The following MYLK3 variants were observed in gnomAD, a reference collection of about 807,000 sequenced individuals.
MYLK3 encodes myosin light chain kinase 3.
A neutral mutation model predicts 76.3 loss-of-function variants in MYLK3; 55 were observed. The observed-to-expected ratio is 0.72, with a 90% CI of 0.58 to 0.90. The LOEUF (loss-of-function observed/expected upper bound fraction) is 0.90, where lower values mean the gene tolerates loss of function less well. Ranked by LOEUF, MYLK3 falls within the 40% of genes least tolerant of loss-of-function variation. The pLI, the probability that MYLK3 is intolerant of heterozygous loss-of-function variation, is 0.00. For missense variants in MYLK3, 973 were observed against 1,053.6 expected (o/e 0.92, Z 1.06); for synonymous variants, 416 against 425.4 (o/e 0.98, Z 0.27).
chr16:46,754,721 C>A (rs1248019232), intron 1 of MYLK3, among the ~76,000 whole-genome samples: 18 of 152,192 alleles, frequency 1.2e-4, no homozygotes, highest in African/African-American at 4.3e-4. Context: ...ACATACCAAA[C>A]AACTAGAATC....
chr16:46,746,168 C>A (rs989078475), intron 1 of MYLK3, among the ~76,000 whole-genome samples: 1 of 152,032 alleles, frequency 6.6e-6, no homozygotes, highest in Admixed American at 6.5e-5. Context: ...CCTACACACA[C>A]CCTCCCATAC....
intron 12 of MYLK3, 55 bp from the exon 13 acceptor site, chr16:46,707,818 G>T: frequency 7.5e-7 from 1 of 1,326,952 alleles, no homozygotes; most frequent in Non-Finnish European, 1.1e-6. Flanking sequence ...TAGACCAGTT[G>T]CCTTATGAAG....
At chr16:46,761,814 T>C (rs924403570) in intron 1 of MYLK3, among the ~76,000 whole-genome samples, 9 of 151,826 alleles carry the variant, frequency 5.9e-5, no homozygotes, top group African/African-American at 9.7e-5. Flanking sequence ...CGAGACTCCA[T>C]TTCAAAACAA....
At chr16:46,735,689 T>C (rs1439992956) in intron 3 of MYLK3, among the ~76,000 whole-genome samples, 3 of 152,080 alleles carry the variant, frequency 2.0e-5, no homozygotes, top group African/African-American at 7.2e-5. Flanking sequence ...GGTTCGGTAA[T>C]GACAGGTAGG....
At position 46,712,793 on chromosome 16, in the gene MYLK3, G is replaced by T; in HGVS notation, c.1986-17C>A. On this transcript the variant is annotated splice_polypyrimidine_tract_variant and intron_variant, in intron 9 of 12. Transcript: ENST00000394809. ...GGCTTGTACCTGGGGAGAAGGGGAGGGTACAAAGAAGCATGGGGTGAGGCC... is the reference window on the plus strand; with the variant it reads ...GGCTTGTACCTGGGGAGAAGGGGAGTGTACAAAGAAGCATGGGGTGAGGCC... 1.3e-6 allele frequency: 2 copies of T among 1,569,750 alleles called. No individual in the cohort carries two copies. Among genetic ancestry groups the T allele is most frequent in the African/African-American group, 1.4e-5 (1 of 73,026 alleles).
Position 46,729,054 on chromosome 16 carries a change from C to T in MYLK3, c.1742G>A (p.Ser581Asn). ...NLIQLYDAFE[S>N]KHSCTLVMEY... Reference sequence around the variant, plus strand: ...CATGACAAGGGTGCAGCTGTGCTTGCTCTCGAAGGCGTCATAGAGCTGGAT... The same window carrying T: ...CATGACAAGGGTGCAGCTGTGCTTGTTCTCGAAGGCGTCATAGAGCTGGAT... Residue 581 changes from serine (S) to asparagine (N), a missense_variant, in exon 7 of 13, where the codon AGC becomes AAC. Transcript: ENST00000394809. 6.2e-7 allele frequency: 1 copy of T among 1,614,108 alleles called. No individual in the cohort carries two copies. The highest frequency in any genetic ancestry group is 8.5e-7 in the Non-Finnish European group (1 of 1,179,934).
intron 4 of MYLK3, among the ~76,000 whole-genome samples, chr16:46,731,599 G>A (rs2143014985): frequency 6.6e-6 from 1 of 152,256 alleles, no homozygotes; most frequent in East Asian, 1.9e-4. Flanking sequence ...ACCAAGGAGG[G>A]TGTGACCCTA....
intron 12 of MYLK3, among the ~76,000 whole-genome samples, chr16:46,708,444 G>C (rs1966649555): frequency 6.6e-6 from 1 of 152,042 alleles, no homozygotes; most frequent in Non-Finnish European, 1.5e-5. Context: ...TTCTGTTAGA[G>C]AAAATGTTGT....
Position 46,727,353 on chromosome 16 carries a change from G to A in MYLK3, c.1797C>T (p.Asp599=). Residue 599 remains aspartate (D), a synonymous_variant, in exon 8 of 13, where the codon GAC becomes GAT. Coordinates refer to ENST00000394809, the MANE Select transcript of MYLK3 (RefSeq NM_182493.3). ...GGTGGTACTTCTCATCTGTGATCCG[G>A]TCGAAGAGCTCACCCCCGTCCACGC... ...MEYVDGGELF[D]RITDEKYHLT... The A allele has an allele frequency of 1.2e-6, 2 of 1,612,642 alleles. No homozygotes were observed. The highest frequency in any genetic ancestry group is 1.7e-6 in the Non-Finnish European group (2 of 1,178,804).
chr16:46,729,242 A>G, intron 6 of MYLK3, 109 bp from the exon 7 acceptor site: 1 of 845,144 alleles, frequency 1.2e-6, no homozygotes, highest in Non-Finnish European at 2.0e-6. Context: ...TTAGTTTCCT[A>G]TTCTCACACC....
intron 7 of MYLK3, among the ~76,000 whole-genome samples, chr16:46,728,796 T>C (rs1966847036): frequency 6.6e-6 from 1 of 152,244 alleles, no homozygotes; most frequent in Non-Finnish European, 1.5e-5. Flanking sequence ...TACATACACC[T>C]GCAGGTCAAA....
chr16:46,739,378 A>G (rs2143016068), intron 2 of MYLK3, among the ~76,000 whole-genome samples: 1 of 152,350 alleles, frequency 6.6e-6, no homozygotes, highest in East Asian at 1.9e-4. Context: ...TTAAAGGTTA[A>G]GAAAGTAATC....
rs933615213 is a variant in MYLK3 at position 46,742,295 on chromosome 16, G to A, written c.478-2148C>T. Among the ~76,000 whole-genome samples the A allele has an allele frequency of 2.6e-5, 4 of 151,948 alleles. No homozygotes were observed. The South Asian group carries it at 6.2e-4, about 24-fold the overall frequency. On this transcript the variant is annotated intron_variant, in intron 1 of 12. Coordinates refer to ENST00000394809, the MANE Select transcript of MYLK3 (RefSeq NM_182493.3). ...AGGATGGCGGGGCGTGGTAGCTCAC[G>A]CCTGTAATCCCAGCACTTTGGGAGG...
chr16:46,751,773 G>C (rs2143017723), upstream of MYLK3, among the ~76,000 whole-genome samples: 1 of 152,378 alleles, frequency 6.6e-6, no homozygotes, highest in East Asian at 1.9e-4. Flanking sequence ...ATTGCAGGCA[G>C]TTCCTGGGGC....
chr16:46,739,179 G>A (rs1567289504), intron 2 of MYLK3, among the ~76,000 whole-genome samples: 1 of 151,916 alleles, frequency 6.6e-6, no homozygotes, highest in South Asian at 2.1e-4. Flanking sequence ...TAGTGATGGA[G>A]TCTCACTATG....
chr16:46,731,200 G>C (rs930159450), intron 4 of MYLK3, among the ~76,000 whole-genome samples: 2 of 152,356 alleles, frequency 1.3e-5, no homozygotes, highest in East Asian at 3.9e-4. Context: ...AGCTCAGCAT[G>C]ACAGCCCGTG....
chr16:46,736,584 C>T (rs748246628), intron 3 of MYLK3, among the ~76,000 whole-genome samples: 2 of 152,178 alleles, frequency 1.3e-5, no homozygotes, highest in Non-Finnish European at 2.9e-5. Flanking sequence ...GTCCTGGTTC[C>T]GATCCCGGGA....
rs1012723511 is a variant in MYLK3 at position 46,702,353 on chromosome 16, T to C, written c.*5351A>G. Among the ~76,000 whole-genome samples, 1 of 152,156 alleles carries C rather than the reference T, an allele frequency of 6.6e-6. No individual in the cohort carries two copies. The highest frequency in any genetic ancestry group is 2.4e-5 in the African/African-American group (1 of 41,446). ...TTTGTCATGAATGTTTTCAAATACA[T>C]ACAACAGTAAAGAGGACAGTATAAT... On this transcript the variant is annotated 3_prime_UTR_variant, in exon 13 of 13. Transcript: ENST00000394809.
chr16:46,751,055 C>G (rs1260626290), upstream of MYLK3, among the ~76,000 whole-genome samples: 2 of 151,902 alleles, frequency 1.3e-5, no homozygotes, highest in African/African-American at 2.4e-5. Context: ...AAGATAACTT[C>G]AAAGTCTAAA....
Sources: gnomAD v4.1 joint callset for allele counts (sites outside exome capture counted in the v4.1 genomes callset) on GRCh38, gnomAD v4.1.1 for gene constraint, MANE v1.5 for transcripts, NCBI Gene and HGNC (gene_info 2026-07-23, HGNC 2026-07-21) for gene names.